SND1: variants seen among roughly 807,000 people sequenced by gnomAD.
SND1 encodes the protein staphylococcal nuclease and tudor domain containing 1.
SND1 carries 38 observed loss-of-function variants against 121.7 expected under a neutral mutation model. That is an observed-to-expected ratio of 0.31 (90% CI 0.24 to 0.41). The LOEUF (loss-of-function observed/expected upper bound fraction) is 0.41, where lower values mean the gene tolerates loss of function less well. SND1 is among the 10% of genes least tolerant of loss of function. The pLI is 1.00. For missense variants in SND1, 868 were observed against 1,184.6 expected (o/e 0.73, Z 3.92); for synonymous variants, 401 against 447.4 (o/e 0.90, Z 1.31).
intron 2 of SND1, among the ~76,000 whole-genome samples, chr7:127,693,634 T>C (rs1462129736): frequency 1.3e-5 from 2 of 152,250 alleles, no homozygotes; most frequent in East Asian, 3.8e-4. Context: ...AGGCCATCAG[T>C]TTACTCTTTT....
At chr7:127,753,849 G>A (rs145450950) in intron 10 of SND1, among the ~76,000 whole-genome samples, 2,142 of 152,158 alleles carry the variant, frequency 0.014, 35 homozygotes, top group Non-Finnish European at 0.018. Flanking sequence ...ATTGATTACC[G>A]CTAAAATGGT....
intron 16 of SND1, among the ~76,000 whole-genome samples, chr7:128,066,280 G>A (rs1019535131): frequency 6.6e-6 from 1 of 152,226 alleles, no homozygotes; most frequent in Non-Finnish European, 1.5e-5. Flanking sequence ...CCACAGCACA[G>A]GCCTTTTCTT....
At chr7:127,721,006 T>C (rs1333443811) in intron 9 of SND1, among the ~76,000 whole-genome samples, 2 of 152,236 alleles carry the variant, frequency 1.3e-5, no homozygotes, top group African/African-American at 4.8e-5. Context: ...TTAAGCTTTG[T>C]AGTGAACCAC....
chr7:127,893,610 G>A (rs1800057317), intron 13 of SND1, among the ~76,000 whole-genome samples: 1 of 152,118 alleles, frequency 6.6e-6, no homozygotes, highest in African/African-American at 2.4e-5. Flanking sequence ...CCTAGTGTCT[G>A]AGCAGATTTA....
chr7:128,041,780 G>C (rs927622968), intron 16 of SND1, among the ~76,000 whole-genome samples: 1 of 152,138 alleles, frequency 6.6e-6, no homozygotes, highest in South Asian at 2.1e-4. Flanking sequence ...TTTAACCACA[G>C]GTAACATGAC....
intron 10 of SND1, among the ~76,000 whole-genome samples, chr7:127,793,487 A>C (rs1797952754): frequency 6.6e-6 from 1 of 152,126 alleles, no homozygotes. Context: ...AATTGTAGAA[A>C]TTTAGAGTGG....
chr7:127,972,736 C>T (rs1802026918), intron 15 of SND1, among the ~76,000 whole-genome samples: 1 of 152,134 alleles, frequency 6.6e-6, no homozygotes. Context: ...TGCACTATCA[C>T]ACCTGGCTAA....
In SND1 at chr7:128,092,094, G is replaced by A. The variant is rs368045090; in HGVS notation, c.*36G>A. ...GGGTTTGGCCCCCAGCCCCGCTCACGCCAGTCCCTCTTCCTCTGCCGGGAG... is the reference window on the plus strand; with the variant it reads ...GGGTTTGGCCCCCAGCCCCGCTCACACCAGTCCCTCTTCCTCTGCCGGGAG... On this transcript the variant is annotated 3_prime_UTR_variant, in exon 24 of 24. Coordinates refer to ENST00000354725, the MANE Select transcript of SND1 (RefSeq NM_014390.4). The surrounding 1 kb of genome is among the most constrained non-coding windows in gnomAD (Gnocchi z 4.9). The A allele has an allele frequency of 1.4e-4, 222 of 1,605,850 alleles. No individual in the cohort carries two copies. The highest frequency in any genetic ancestry group is 3.3e-4 in the Middle Eastern group (2 of 6,064).
intron 11 of SND1, among the ~76,000 whole-genome samples, chr7:127,810,881 C>G (rs1238242367): frequency 6.6e-6 from 1 of 152,146 alleles, no homozygotes; most frequent in African/African-American, 2.4e-5. Context: ...TTTCTATCAC[C>G]ATGGGAACCA....
intron 15 of SND1, among the ~76,000 whole-genome samples, chr7:127,976,964 C>T (rs1323473076): frequency 1.3e-5 from 2 of 152,242 alleles, no homozygotes; most frequent in Middle Eastern, 6.8e-3. Context: ...CTGGGGATTC[C>T]GCCCGCACTA....
intron 13 of SND1, chr7:127,904,270 C>T (rs912909782): frequency 1.3e-5 from 2 of 152,830 alleles, no homozygotes; most frequent in Non-Finnish European, 2.9e-5. Flanking sequence ...CTTTTCTCTA[C>T]AGTATTGCTC....
intron 12 of SND1, among the ~76,000 whole-genome samples, chr7:127,853,600 G>T (rs1799215123): frequency 6.6e-6 from 1 of 152,096 alleles, no homozygotes; most frequent in African/African-American, 2.4e-5. Context: ...AGGGCCCAGG[G>T]TTTAATGCTG....
chr7:128,083,228 G>A (rs1244682407), intron 18 of SND1, among the ~76,000 whole-genome samples: 1 of 152,190 alleles, frequency 6.6e-6, no homozygotes, highest in Non-Finnish European at 1.5e-5. Context: ...GCTCTGTAAG[G>A]ACCTCCCAGA....
intron 16 of SND1, among the ~76,000 whole-genome samples, chr7:128,060,472 T>C (rs1793212345): frequency 6.6e-6 from 1 of 152,242 alleles, no homozygotes; most frequent in South Asian, 2.1e-4. Flanking sequence ...TTTTTATTTT[T>C]TCCTGTCTTC....
intron 10 of SND1, among the ~76,000 whole-genome samples, chr7:127,756,701 C>T (rs1455108032): frequency 1.3e-5 from 2 of 152,174 alleles, no homozygotes; most frequent in Non-Finnish European, 2.9e-5. Context: ...CTGAGCTTCC[C>T]CAAATCACTT....
At chr7:128,004,884 T>G (rs1802922724) in intron 16 of SND1, among the ~76,000 whole-genome samples, 1 of 152,222 alleles carries the variant, frequency 6.6e-6, no homozygotes, top group African/African-American at 2.4e-5. Flanking sequence ...GCCTCTGATA[T>G]TCATGCCATG....
At chr7:127,720,877 A>G (rs1173356424) in intron 9 of SND1, among the ~76,000 whole-genome samples, 1 of 152,092 alleles carries the variant, frequency 6.6e-6, no homozygotes, top group East Asian at 1.9e-4. Context: ...TAGTGCTGGT[A>G]TCTTCTTCAA....
At chr7:127,772,826 T>C (rs1797539453) in intron 10 of SND1, among the ~76,000 whole-genome samples, 1 of 152,244 alleles carries the variant, frequency 6.6e-6, no homozygotes, top group Non-Finnish European at 1.5e-5. Flanking sequence ...GAACCAGGAA[T>C]CATCTGTCAC....
chr7:127,883,202 C>T (rs1056325147), intron 12 of SND1, among the ~76,000 whole-genome samples: 1 of 152,100 alleles, frequency 6.6e-6, no homozygotes, highest in African/African-American at 2.4e-5. Context: ...GTAATATAAG[C>T]TCAAACTTAG....
Sources: allele counts gnomAD v4.1 joint callset (sites outside exome capture counted in the v4.1 genomes callset), GRCh38; gene constraint gnomAD v4.1.1; non-coding constraint Gnocchi (gnomAD v3.1); transcripts MANE v1.5; gene names NCBI Gene and HGNC (gene_info 2026-07-23, HGNC 2026-07-21).